The following ITPKB variants were observed in gnomAD, a reference collection of about 807,000 sequenced individuals.
ITPKB encodes the protein inositol-trisphosphate 3-kinase B, also known as IP3 3-kinase B.
ITPKB carries 13 observed loss-of-function variants against 69.4 expected under a neutral mutation model. The ratio of observed to expected loss-of-function variants is 0.19; its 90% confidence interval spans 0.12 to 0.30. ITPKB has a LOEUF of 0.30. Ranked by LOEUF, ITPKB falls within the 10% of genes least tolerant of loss-of-function variation. ITPKB has a pLI of 1.00. For missense variants in ITPKB, 1,240 were observed against 1,250.5 expected (o/e 0.99, Z 0.13); for synonymous variants, 584 against 513.7 (o/e 1.14, Z -1.85).
intron 2 of ITPKB, among the ~76,000 whole-genome samples, chr1:226,717,468 G>C (rs1034864520): frequency 6.6e-6 from 1 of 152,130 alleles, no homozygotes; most frequent in Non-Finnish European, 1.5e-5. Flanking sequence ...GAGAGACAAA[G>C]GGAAGCACCA....
chr1:226,687,371 A>G (rs1656241262), intron 2 of ITPKB, among the ~76,000 whole-genome samples: 1 of 152,054 alleles, frequency 6.6e-6, no homozygotes, highest in African/African-American at 2.4e-5. Flanking sequence ...CAGTGAAACA[A>G]CCAAAAGTGG....
chr1:226,700,492 A>C (rs956260593), intron 2 of ITPKB, among the ~76,000 whole-genome samples: 12 of 150,268 alleles, frequency 8.0e-5, no homozygotes, highest in Non-Finnish European at 3.0e-5. Context: ...AAAAAAAAAA[A>C]AAAACCCAGA....
At chr1:226,690,536 G>A (rs1043227715) in intron 2 of ITPKB, among the ~76,000 whole-genome samples, 3 of 151,154 alleles carry the variant, frequency 2.0e-5, no homozygotes, top group Non-Finnish European at 3.0e-5. Flanking sequence ...CTCCTCCTAC[G>A]TCAAGCACTC....
chr1:226,730,727 AGACCT>A (rs1657565783), intron 2 of ITPKB, among the ~76,000 whole-genome samples: 1 of 152,214 alleles, frequency 6.6e-6, no homozygotes, highest in Non-Finnish European at 1.5e-5. Flanking sequence ...AACTAAATTG[AGACCT>A]GACAAAATAA....
chr1:226,659,254 A>G (rs943275859), intron 2 of ITPKB, among the ~76,000 whole-genome samples: 3 of 152,088 alleles, frequency 2.0e-5, no homozygotes, highest in African/African-American at 4.8e-5. Flanking sequence ...CTCTTCCACC[A>G]TAAGCCCTAA....
intron 2 of ITPKB, among the ~76,000 whole-genome samples, chr1:226,719,138 T>C (rs957755577): frequency 6.6e-6 from 1 of 152,026 alleles, no homozygotes; most frequent in Non-Finnish European, 1.5e-5. Flanking sequence ...AAGTAGCCAG[T>C]TGTGGTGGCG....
At chr1:226,724,069 C>T (rs1657330989) in intron 2 of ITPKB, among the ~76,000 whole-genome samples, 1 of 152,082 alleles carries the variant, frequency 6.6e-6, no homozygotes, top group Non-Finnish European at 1.5e-5. Context: ...GTTCTGCACC[C>T]GGTACTTGAG....
At chr1:226,713,221 G>A (rs1184555997) in intron 2 of ITPKB, among the ~76,000 whole-genome samples, 2 of 152,004 alleles carry the variant, frequency 1.3e-5, no homozygotes, top group African/African-American at 2.4e-5. Flanking sequence ...CCCCGCCCCC[G>A]GTTCCCAGAC....
rs1668847854 is a variant in ITPKB, at chr1:226,636,779, TGTGTGTG to T, written c.2625+893_2625+899del. ...GTGTGTGTGTGTGTGTGTGTGTGTG[TGTGTGTG>T]TGTGTGTGAGACTGGGAAAGGCATG... On this transcript the variant is annotated intron_variant, in intron 7 of 7. Transcript: ENST00000429204. Among the ~76,000 whole-genome samples, 3 of 148,922 alleles carry T rather than the reference TGTGTGTG, an allele frequency of 2.0e-5. No individual in the cohort carries two copies. The South Asian group carries it at 6.3e-4, about 31-fold the overall frequency.
At chr1:226,658,722 C>T (rs1029931503) in intron 2 of ITPKB, among the ~76,000 whole-genome samples, 24 of 152,160 alleles carry the variant, frequency 1.6e-4, no homozygotes, top group African/African-American at 3.4e-4. Context: ...TCACCAGGCA[C>T]GAGGTTCTTC....
At chr1:226,691,137 T>G (rs764052862) in intron 2 of ITPKB, among the ~76,000 whole-genome samples, 1 of 152,046 alleles carries the variant, frequency 6.6e-6, no homozygotes, top group Non-Finnish European at 1.5e-5. Flanking sequence ...TGGATGGTGG[T>G]GATGGCTGCG....
intron 2 of ITPKB, among the ~76,000 whole-genome samples, chr1:226,713,724 A>G (rs957340761): frequency 6.6e-6 from 1 of 152,194 alleles, no homozygotes; most frequent in Non-Finnish European, 1.5e-5. Context: ...GCTGCTTGAC[A>G]CTTGGCTCAG....
At chr1:226,703,204 T>C (rs1558090420) in intron 2 of ITPKB, among the ~76,000 whole-genome samples, 1 of 152,152 alleles carries the variant, frequency 6.6e-6, no homozygotes. Flanking sequence ...AAAACCTGAC[T>C]GCACACACAA....
chr1:226,700,485 A>C (rs1023477721), intron 2 of ITPKB, among the ~76,000 whole-genome samples: 2 of 150,846 alleles, frequency 1.3e-5, no homozygotes, highest in East Asian at 1.9e-4. Context: ...AAAAAAAAAA[A>C]AAAAAAAAAA....
At chr1:226,706,739 C>T (rs1008409278) in intron 2 of ITPKB, among the ~76,000 whole-genome samples, 1 of 152,184 alleles carries the variant, frequency 6.6e-6, no homozygotes, top group South Asian at 2.1e-4. Flanking sequence ...GGATACCACT[C>T]GAGCTAACAG....
At chr1:226,678,345 G>T (rs1186572753) in intron 2 of ITPKB, among the ~76,000 whole-genome samples, 1 of 152,236 alleles carries the variant, frequency 6.6e-6, no homozygotes, top group Admixed American at 6.5e-5. Context: ...AGGAGCCACA[G>T]TGACCCCAGA....
intron 2 of ITPKB, among the ~76,000 whole-genome samples, chr1:226,661,789 G>A (rs913849036): frequency 1.3e-5 from 2 of 152,208 alleles, no homozygotes; most frequent in Non-Finnish European, 2.9e-5. Flanking sequence ...TCAAGGTCAA[G>A]AGCCTATGGA....
chr1:226,673,033 A>C lies in ITPKB; in HGVS notation c.1933-24262T>G, dbSNP rs7528216. On this transcript the variant is annotated intron_variant, in intron 2 of 7. Transcript: ENST00000429204. ...TGACAAGTGGTGAAGACACTCTAAA[A>C]TGCACCGAGTGTATGACAAGGACAA... Among the ~76,000 whole-genome samples the C allele has an allele frequency of 1.7e-3, 256 of 152,250 alleles. 2 individuals are homozygous for C. The highest frequency in any genetic ancestry group is 6.0e-3 in the African/African-American group (249 of 41,540).
At chr1:226,635,709 C>G (rs1207654191) in intron 7 of ITPKB, among the ~76,000 whole-genome samples, 1 of 152,250 alleles carries the variant, frequency 6.6e-6, no homozygotes, top group African/African-American at 2.4e-5. Flanking sequence ...ACAGCACCCC[C>G]ACCCCAGCAG....
Sources: gnomAD v4.1 joint callset for allele counts (sites outside exome capture counted in the v4.1 genomes callset) on GRCh38, gnomAD v4.1.1 for gene constraint, MANE v1.5 for transcripts, NCBI Gene and HGNC (gene_info 2026-07-23, HGNC 2026-07-21) for gene names.